CHD9: variants seen among roughly 807,000 people sequenced by gnomAD.
CHD9 encodes chromodomain helicase DNA binding protein 9.
CHD9 carries 77 observed loss-of-function variants against 316.1 expected under a neutral mutation model. The observed-to-expected ratio is 0.24, with a 90% CI of 0.20 to 0.29. CHD9 has a LOEUF of 0.29. Ranked by LOEUF, CHD9 falls within the 10% of genes least tolerant of loss-of-function variation. The pLI is 1.00. For synonymous variants in CHD9, 1,129 were observed against 1,158.3 expected (o/e 0.97, Z 0.51); for missense variants, 2,763 against 3,438.1 (o/e 0.80, Z 4.91).
Position 53,253,585 on chromosome 16 carries a change from T to C in CHD9, c.3862-853T>C, listed in dbSNP as rs1042823319. ...ATACCACCTGTACCCCAATAACTTA[T>C]GGAAAAAAAGTACCCAGCTTAAATA... On this transcript the variant is annotated intron_variant, in intron 17 of 38. Coordinates refer to ENST00000447540, the MANE Select transcript of CHD9 (RefSeq NM_001308319.2). Among the ~76,000 whole-genome samples, 11 of 152,136 alleles carry C rather than the reference T, an allele frequency of 7.2e-5. No homozygotes were observed. The South Asian group carries it at 8.3e-4, about 11-fold the overall frequency.
intron 1 of CHD9, among the ~76,000 whole-genome samples, chr16:53,065,134 T>G (rs966316499): frequency 3.3e-5 from 5 of 152,168 alleles, no homozygotes; most frequent in Non-Finnish European, 4.4e-5. Flanking sequence ...TTGGTTTTTG[T>G]GGAATCAAAG....
chr16:53,220,290 A>G (rs1004894114), intron 3 of CHD9, among the ~76,000 whole-genome samples: 3 of 152,240 alleles, frequency 2.0e-5, no homozygotes, highest in African/African-American at 7.2e-5. Context: ...AAGAATTACC[A>G]TTATTCTGTT....
chr16:53,254,711 A>G (rs765833488), intron 18 of CHD9, 106 bp downstream of exon 18: 1 of 960,510 alleles, frequency 1.0e-6, no homozygotes, highest in Non-Finnish European at 1.5e-6. Flanking sequence ...TACTAAACAC[A>G]TTTGTTTTCT....
intron 2 of CHD9, among the ~76,000 whole-genome samples, chr16:53,190,904 T>G (rs984735539): frequency 7.9e-5 from 12 of 152,120 alleles, no homozygotes; most frequent in African/African-American, 2.7e-4. Flanking sequence ...TTAATCCTGT[T>G]ACATATGTCC....
chr16:53,302,058 T>C (rs2055493037), intron 30 of CHD9, among the ~76,000 whole-genome samples: 1 of 152,172 alleles, frequency 6.6e-6, no homozygotes, highest in African/African-American at 2.4e-5. Context: ...CCACTGCGCC[T>C]GGCCCTTCCT....
chr16:53,131,751 C>CA (rs910709581), intron 1 of CHD9, among the ~76,000 whole-genome samples: 53 of 152,078 alleles, frequency 3.5e-4, no homozygotes, highest in Admixed American at 1.3e-3. Flanking sequence ...TGAGTCATGA[C>CA]AGGGCGTCCC....
intron 36 of CHD9, among the ~76,000 whole-genome samples, 155 bp downstream of exon 36, chr16:53,315,199 G>A (rs2056789295): frequency 6.6e-6 from 1 of 152,114 alleles, no homozygotes; most frequent in African/African-American, 2.4e-5. Flanking sequence ...TCCTTCCCAT[G>A]ATACAATACA....
intron 37 of CHD9, among the ~76,000 whole-genome samples, chr16:53,319,373 G>GCC (rs2057109610): frequency 6.6e-6 from 1 of 152,108 alleles, no homozygotes; most frequent in Non-Finnish European, 1.5e-5. Context: ...AGAAATATTG[G>GCC]AATTAGAAGA....
intron 24 of CHD9, among the ~76,000 whole-genome samples, chr16:53,276,252 A>G (rs1464123075): frequency 2.6e-5 from 4 of 152,148 alleles, no homozygotes; most frequent in African/African-American, 9.7e-5. Context: ...TCAGCTAGCC[A>G]TTTACTTCTT....
intron 30 of CHD9, chr16:53,299,122 T>C (rs1441327401): frequency 6.1e-5 from 11 of 179,972 alleles, no homozygotes; most frequent in Non-Finnish European, 3.7e-5. Context: ...AGCCCACAAA[T>C]TGACTATTAA....
chr16:53,156,795 A>G lies in CHD9; in HGVS notation c.706A>G (p.Asn236Asp), dbSNP rs377416139. Residue 236 changes from asparagine to aspartate, a missense_variant, in exon 2 of 39, where the codon AAT becomes GAT. Asn to Asp is a conservative substitution (Grantham distance 23). Around this residue, in one of 15 missense-constraint regions of CHD9, gnomAD observed 859 missense variants for 890.4 expected, o/e 0.96. Coordinates refer to ENST00000447540, the MANE Select transcript of CHD9 (RefSeq NM_001308319.2). ...ISMQQFSQTS[N>D]PSAHFHKCSS... ...AATGCAGCAATTTTCTCAAACGTCA[A>G]ATCCTTCAGCACACTTCCACAAGTG... is the stretch of plus-strand genomic sequence containing the variant. The G allele has an allele frequency of 4.3e-6, 7 of 1,613,746 alleles. No homozygotes were observed. Among genetic ancestry groups the G allele is most frequent in the African/African-American group, 1.3e-5 (1 of 74,938 alleles).
chr16:53,190,275 G>T (rs73607756), intron 2 of CHD9, among the ~76,000 whole-genome samples: 4,925 of 151,960 alleles, frequency 0.032, 98 homozygotes, highest in Middle Eastern at 0.071. Context: ...AAATAAAATG[G>T]GTTTTGAAAG....
chr16:53,240,630 T>C (rs1406285819), intron 12 of CHD9, among the ~76,000 whole-genome samples: 1 of 152,068 alleles, frequency 6.6e-6, no homozygotes, highest in Non-Finnish European at 1.5e-5. Context: ...AATATTTAAC[T>C]TCTTTTTTTT....
At chr16:53,309,329 G>C (rs555904104) in intron 34 of CHD9, among the ~76,000 whole-genome samples, 1 of 152,196 alleles carries the variant, frequency 6.6e-6, no homozygotes, top group South Asian at 2.1e-4. Context: ...TTATTATTGG[G>C]CAGCTCAAAT....
chr16:53,199,847 G>A (rs960514474), intron 2 of CHD9, among the ~76,000 whole-genome samples: 1 of 152,182 alleles, frequency 6.6e-6, no homozygotes, highest in Non-Finnish European at 1.5e-5. Context: ...GTGGGGTTAT[G>A]AACACAGGAA....
chr16:53,061,167 T>C (rs2032855267), intron 1 of CHD9, among the ~76,000 whole-genome samples: 1 of 152,122 alleles, frequency 6.6e-6, no homozygotes, highest in East Asian at 1.9e-4. Context: ...CCTCAGGTGA[T>C]TCACCCGCCT....
At chr16:53,062,473 G>C (rs2033018662) in intron 1 of CHD9, among the ~76,000 whole-genome samples, 1 of 152,198 alleles carries the variant, frequency 6.6e-6, no homozygotes, top group South Asian at 2.1e-4. Flanking sequence ...CAGGTGCAGT[G>C]GCTCATGCCT....
chr16:53,091,721 A>G (rs2152555310), intron 1 of CHD9, among the ~76,000 whole-genome samples: 1 of 152,314 alleles, frequency 6.6e-6, no homozygotes, highest in South Asian at 2.1e-4. Flanking sequence ...AGGATAAAGG[A>G]GCAAACGAGT....
intron 3 of CHD9, among the ~76,000 whole-genome samples, chr16:53,220,548 C>T (rs887080266): frequency 3.9e-5 from 6 of 152,212 alleles, no homozygotes; most frequent in Admixed American, 3.3e-4. Flanking sequence ...ACTTCCTTGT[C>T]ATCACATTGC....
Sources: gnomAD v4.1 joint callset for allele counts (sites outside exome capture counted in the v4.1 genomes callset) on GRCh38, gnomAD v4.1.1 for gene constraint, gnomAD v4.1.1 regional missense constraint, MANE v1.5 for transcripts, NCBI Gene and HGNC (gene_info 2026-07-23, HGNC 2026-07-21) for gene names.